Variants in ZBTB20 observed in about 807,000 individuals in gnomAD.
ZBTB20 encodes zinc finger and BTB domain containing 20, also known as zinc finger and BTB domain-containing protein 20.
In ZBTB20, 9 loss-of-function variants were observed where a neutral mutation model predicts 56.9. The ratio of observed to expected loss-of-function variants is 0.16; its 90% CI spans 0.10 to 0.28. The LOEUF (loss-of-function observed/expected upper bound fraction) is 0.28, where lower values mean the gene tolerates loss of function less well. Among genes scored for constraint, ZBTB20 ranks in the 10% least tolerant of loss-of-function variants. The pLI is 1.00. For synonymous variants in ZBTB20, 417 were observed against 420.7 expected (o/e 0.99, Z 0.11); for missense variants, 655 against 1,003.0 (o/e 0.65, Z 4.69).
chr3:114,428,263 G>C (rs2089858553), intron 7 of ZBTB20, among the ~76,000 whole-genome samples: 1 of 152,116 alleles, frequency 6.6e-6, no homozygotes, highest in African/African-American at 2.4e-5. Context: ...GGGACAATCA[G>C]ACTCTATCAG....
intron 7 of ZBTB20, among the ~76,000 whole-genome samples, chr3:114,396,620 C>A (rs552390471): frequency 5.9e-5 from 9 of 152,176 alleles, no homozygotes; most frequent in Non-Finnish European, 8.8e-5. Flanking sequence ...GTTCTAACCA[C>A]ATGTTCTAGA....
At position 114,807,289 on chromosome 3, in the gene ZBTB20, G is replaced by GT. The variant is rs551708502; in HGVS notation, c.-416-6116dup. 4.0e-3 allele frequency among the ~76,000 whole-genome samples: 603 copies of GT among 152,014 alleles called. 3 individuals carry two copies. Among genetic ancestry groups the GT allele is most frequent in the Middle Eastern group, 6.8e-3 (2 of 294 alleles). On this transcript the variant is annotated intron_variant, in intron 4 of 11. Coordinates refer to ENST00000675478, the MANE Select transcript of ZBTB20 (RefSeq NM_001348800.3). ...AGTTCGTGTGTGTGGTGGGGGAGGT[G>GT]TATGTACATTGCTTAGAATTTTCTA...
At chr3:115,109,484 G>A (rs1385895408) in intron 1 of ZBTB20, among the ~76,000 whole-genome samples, 3 of 152,114 alleles carry the variant, frequency 2.0e-5, no homozygotes, top group African/African-American at 7.2e-5. Context: ...GTCAGAAACA[G>A]CCCAACATAC....
intron 7 of ZBTB20, among the ~76,000 whole-genome samples, chr3:114,406,941 T>C (rs1469480037): frequency 6.6e-6 from 1 of 152,164 alleles, no homozygotes; most frequent in Non-Finnish European, 1.5e-5. Context: ...AGTATGTTGA[T>C]GTAATTTAAT....
rs555852546 is a variant in ZBTB20 at position 114,407,207 on chromosome 3, G to T, written c.-254-18102C>A. The stretch of plus-strand genomic sequence containing the variant: ...TTGGATTAGAAAATCAAATAAATAA[G>T]AACTGTAGAGACAATACTGCTTGAA... On this transcript the variant is annotated intron_variant, in intron 7 of 11. Coordinates refer to ENST00000675478, the MANE Select transcript of ZBTB20 (RefSeq NM_001348800.3). Among the ~76,000 whole-genome samples, 6 of 152,246 alleles carry T rather than the reference G, an allele frequency of 3.9e-5. No individual in the cohort carries two copies. The South Asian group carries it at 1.0e-3, about 26-fold the overall frequency.
rs1424972946 is a variant in ZBTB20 at position 114,334,963 on chromosome 3, T to C, written c.*4042A>G. 6.6e-6 allele frequency: 1 copy of C among 152,224 alleles called. No homozygotes were observed. Among genetic ancestry groups the C allele is most frequent in the East Asian group, 1.9e-4 (1 of 5,202 alleles). The allele number at this position is 152,224 out of a possible 1,614,324, so 9.4% of individuals were successfully genotyped here. ...TCCATGTGTTCCAATTATTTTCTTT[T>C]TTAGGATTATATTTCACACATTTGG... is the stretch of plus-strand genomic sequence containing the variant. On this transcript the variant is annotated 3_prime_UTR_variant, in exon 12 of 12. Coordinates refer to ENST00000675478, the MANE Select transcript of ZBTB20 (RefSeq NM_001348800.3).
rs1011383090 is a variant in ZBTB20 at position 114,319,289 on chromosome 3, G to T, written c.*19716C>A. 1.3e-5 allele frequency: 2 copies of T among 151,392 alleles called. No homozygotes were observed. The highest frequency in any genetic ancestry group is 4.9e-5 in the African/African-American group (2 of 41,150). 9.4% of individuals were successfully genotyped at this position (151,392 alleles called of 1,614,324 possible). On this transcript the variant is annotated 3_prime_UTR_variant, in exon 12 of 12. Transcript: ENST00000675478. ...CAAAAAAGATTCTTCACAAAAAAATGTAGAAAAAATTCCAACAATTTTTTT... is the reference window on the plus strand; with the variant it reads ...CAAAAAAGATTCTTCACAAAAAAATTTAGAAAAAATTCCAACAATTTTTTT...
At chr3:114,607,436 G>A (rs2057254963) in intron 6 of ZBTB20, among the ~76,000 whole-genome samples, 1 of 151,530 alleles carries the variant, frequency 6.6e-6, no homozygotes, top group Non-Finnish European at 1.5e-5. Flanking sequence ...CCAAATAGCT[G>A]GGATTACAGG....
intron 2 of ZBTB20, among the ~76,000 whole-genome samples, chr3:115,020,262 T>A (rs1320000596): frequency 6.6e-6 from 1 of 151,212 alleles, no homozygotes; most frequent in African/African-American, 2.4e-5. Flanking sequence ...AATTGATATA[T>A]GTGTGAGCAT....
At chr3:114,776,752 G>A (rs2108759136) in intron 5 of ZBTB20, among the ~76,000 whole-genome samples, 1 of 152,280 alleles carries the variant, frequency 6.6e-6, no homozygotes. Context: ...TGGAAAACAG[G>A]ATGCCAAGGC....
intron 3 of ZBTB20, among the ~76,000 whole-genome samples, chr3:114,932,844 C>A (rs978074991): frequency 2.0e-5 from 3 of 152,192 alleles, no homozygotes; most frequent in Non-Finnish European, 2.9e-5. Flanking sequence ...TTGTTTCCCC[C>A]ACTCTTGAAT....
chr3:114,344,159 C>T (rs1436815454), intron 11 of ZBTB20, among the ~76,000 whole-genome samples: 1 of 152,200 alleles, frequency 6.6e-6, no homozygotes, highest in Non-Finnish European at 1.5e-5. Context: ...GACTGTGAGG[C>T]TAAGAGGGAC....
intron 2 of ZBTB20, among the ~76,000 whole-genome samples, chr3:115,037,114 TA>T (rs2080957770): frequency 1.3e-5 from 2 of 152,344 alleles, no homozygotes; most frequent in African/African-American, 4.8e-5. Flanking sequence ...ATAGTGAGGA[TA>T]ATCTTCAGCA....
intron 6 of ZBTB20, among the ~76,000 whole-genome samples, chr3:114,508,486 T>C (rs2044918656): frequency 6.6e-6 from 1 of 152,062 alleles, no homozygotes; most frequent in African/African-American, 2.4e-5. Flanking sequence ...ATTGCCCAAC[T>C]CTTATAAGCA....
intron 2 of ZBTB20, among the ~76,000 whole-genome samples, chr3:115,033,759 G>GTAT (rs1560511081): frequency 6.6e-6 from 1 of 151,718 alleles, no homozygotes; most frequent in Non-Finnish European, 1.5e-5. Flanking sequence ...CATGAGGCCT[G>GTAT]TATTACCCTG....
chr3:114,844,355 A>ATATATATATATG (rs1389091267), intron 4 of ZBTB20, among the ~76,000 whole-genome samples: 1 of 40,326 alleles, frequency 2.5e-5, no homozygotes, highest in Non-Finnish European at 6.8e-5. Context: ...ATATATATAT[A>ATATATATATATG]TATATATATA....
chr3:114,672,458 G>A (rs2061405673), intron 6 of ZBTB20, among the ~76,000 whole-genome samples: 1 of 152,072 alleles, frequency 6.6e-6, no homozygotes, highest in African/African-American at 2.4e-5. Flanking sequence ...TGACTTGTTG[G>A]CTACAGGGAA....
chr3:114,661,262 A>G (rs1191472670), intron 6 of ZBTB20, among the ~76,000 whole-genome samples: 1 of 152,114 alleles, frequency 6.6e-6, no homozygotes, highest in East Asian at 1.9e-4. Context: ...TGGGCACACA[A>G]AAAAAGGGTA....
At chr3:114,518,173 A>T (rs2046239564) in intron 6 of ZBTB20, among the ~76,000 whole-genome samples, 1 of 152,150 alleles carries the variant, frequency 6.6e-6, no homozygotes, top group Admixed American at 6.5e-5. Context: ...TGGTTTGAGC[A>T]GGGTCATGAA....
Sources: allele counts gnomAD v4.1 joint callset (sites outside exome capture counted in the v4.1 genomes callset), GRCh38; gene constraint gnomAD v4.1.1; transcripts MANE v1.5; gene names NCBI Gene and HGNC (gene_info 2026-07-23, HGNC 2026-07-21).